The following NUDT3 variants were observed in gnomAD, a reference collection of about 807,000 sequenced individuals.
NUDT3 encodes the protein nudix hydrolase 3, also known as diphosphoinositol polyphosphate phosphohydrolase 1.
A neutral mutation model predicts 23.6 loss-of-function variants in NUDT3; 9 were observed. The observed-to-expected ratio is 0.38, with a 90% confidence interval of 0.23 to 0.66. The LOEUF is 0.66. NUDT3 is among the 30% of genes least tolerant of loss of function. The pLI is 0.52. For missense variants in NUDT3, 172 were observed against 218.5 expected (o/e 0.79, Z 1.34); for synonymous variants, 86 against 82.6 (o/e 1.04, Z -0.22).
intron 2 of NUDT3, among the ~76,000 whole-genome samples, chr6:34,314,558 C>CAAAAAAAA (rs397933941): frequency 9.8e-6 from 1 of 102,496 alleles, no homozygotes. Flanking sequence ...GACTCTGTCT[C>CAAAAAAAA]AAAAAAAAAA....
At chr6:34,320,908 G>GA (rs1326084253) in intron 2 of NUDT3, among the ~76,000 whole-genome samples, 1 of 151,890 alleles carries the variant, frequency 6.6e-6, no homozygotes, top group Non-Finnish European at 1.5e-5. Context: ...ATGAGATGGT[G>GA]AAAAAAGCAC....
chr6:34,363,245 C>T (rs2113753436), intron 1 of NUDT3, among the ~76,000 whole-genome samples: 1 of 152,250 alleles, frequency 6.6e-6, no homozygotes, highest in African/African-American at 2.4e-5. Context: ...TCTAGGGCAG[C>T]AGAGCTTGGG....
chr6:34,354,394 A>AAC (rs370168110), intron 1 of NUDT3, among the ~76,000 whole-genome samples: 17,171 of 137,538 alleles, frequency 0.12, 1,061 homozygotes, highest in East Asian at 0.17. Context: ...GATTTCATTA[A>AAC]ACACACACAC....
chr6:34,353,949 C>G (rs1331971744), intron 1 of NUDT3, among the ~76,000 whole-genome samples: 3 of 151,576 alleles, frequency 2.0e-5, no homozygotes, highest in Non-Finnish European at 2.9e-5. Context: ...GTTGCCCAAG[C>G]TGGAGTGCAA....
chr6:34,351,833 C>T (rs1764483851), intron 1 of NUDT3, among the ~76,000 whole-genome samples: 1 of 151,366 alleles, frequency 6.6e-6, no homozygotes, highest in South Asian at 2.1e-4. Flanking sequence ...ACAGAGATTG[C>T]CTCTGTACAG....
At chr6:34,331,665 C>T (rs141691109) in intron 2 of NUDT3, among the ~76,000 whole-genome samples, 1 of 152,200 alleles carries the variant, frequency 6.6e-6, no homozygotes, top group Non-Finnish European at 1.5e-5. Context: ...CAAATACAGT[C>T]GGCCCTCCGT....
At chr6:34,330,177 G>C (rs1024826958) in intron 2 of NUDT3, among the ~76,000 whole-genome samples, 2 of 152,198 alleles carry the variant, frequency 1.3e-5, no homozygotes, top group African/African-American at 4.8e-5. Context: ...TAATGGGATG[G>C]CTGGATCAAA....
chr6:34,310,742 A>G (rs1473198428), intron 2 of NUDT3, among the ~76,000 whole-genome samples: 1 of 152,220 alleles, frequency 6.6e-6, no homozygotes, highest in East Asian at 1.9e-4. Context: ...ACATCACAAG[A>G]AAACTACAGA....
intron 2 of NUDT3, among the ~76,000 whole-genome samples, chr6:34,324,857 GAA>G: frequency 6.6e-6 from 1 of 150,442 alleles, no homozygotes; most frequent in Admixed American, 6.6e-5. Context: ...ACGCTTCTCT[GAA>G]AAGAGAGAGA....
chr6:34,357,762 A>G (rs963590954), intron 1 of NUDT3, among the ~76,000 whole-genome samples: 2 of 152,210 alleles, frequency 1.3e-5, no homozygotes, highest in African/African-American at 4.8e-5. Context: ...TAGATTTCAG[A>G]AAAAACTGTA....
At chr6:34,336,705 TC>T (rs750201560) in intron 2 of NUDT3, among the ~76,000 whole-genome samples, 3 of 152,166 alleles carry the variant, frequency 2.0e-5, no homozygotes, top group Non-Finnish European at 4.4e-5. Flanking sequence ...AGACTTTTTT[TC>T]ATTGAAGAGC....
rs2113684677 is a variant in NUDT3 at position 34,281,118 on chromosome 6, T to A, written c.*7635A>T. ...TATAAGTAGAATGGTCCCAGGGATG[T>A]TAACCTTTCTGATGCTGATAGTAGA... is the stretch of plus-strand genomic sequence containing the variant. On this transcript the variant is annotated 3_prime_UTR_variant, in exon 5 of 5. Transcript: ENST00000607016. 1 of 152,328 alleles carries A rather than the reference T, an allele frequency of 6.6e-6. No homozygotes were observed. The highest frequency in any genetic ancestry group is 2.4e-5 in the African/African-American group (1 of 41,566). 9.4% of individuals were successfully genotyped at this position (152,328 alleles called of 1,614,324 possible). A position where few individuals can be genotyped will look rare whatever the true frequency, so the allele number is the denominator to read the frequency against.
At chr6:34,290,967 G>A (rs1030739668) in intron 4 of NUDT3, among the ~76,000 whole-genome samples, 1 of 151,262 alleles carries the variant, frequency 6.6e-6, no homozygotes, top group Non-Finnish European at 1.5e-5. Flanking sequence ...GCTAATTTTT[G>A]TTTATTTATT....
chr6:34,327,285 C>T (rs371667806), intron 2 of NUDT3, among the ~76,000 whole-genome samples: 4 of 152,108 alleles, frequency 2.6e-5, no homozygotes, highest in South Asian at 4.2e-4. Context: ...AATCCCAGCA[C>T]TTTGGGAGGC....
At chr6:34,301,388 T>C (rs1318199139) in intron 2 of NUDT3, among the ~76,000 whole-genome samples, 1 of 152,238 alleles carries the variant, frequency 6.6e-6, no homozygotes, top group East Asian at 1.9e-4. Context: ...TACTTACCCA[T>C]CCCTATATCT....
At chr6:34,301,796 T>C (rs916339826) in intron 2 of NUDT3, among the ~76,000 whole-genome samples, 1 of 152,242 alleles carries the variant, frequency 6.6e-6, no homozygotes, top group African/African-American at 2.4e-5. Flanking sequence ...ACACAGGCAG[T>C]GTATGAGTTG....
intron 2 of NUDT3, among the ~76,000 whole-genome samples, chr6:34,318,323 G>C (rs1763891559): frequency 6.6e-6 from 1 of 152,122 alleles, no homozygotes; most frequent in Non-Finnish European, 1.5e-5. Flanking sequence ...TTAAACTTTA[G>C]ATAAAGTAAA....
intron 2 of NUDT3, among the ~76,000 whole-genome samples, chr6:34,340,486 T>C (rs1213433623): frequency 6.6e-6 from 1 of 152,308 alleles, no homozygotes; most frequent in African/African-American, 2.4e-5. Context: ...TATTTTCTCA[T>C]AGGTCACGCA....
intron 1 of NUDT3, among the ~76,000 whole-genome samples, chr6:34,370,934 T>C (rs1440657401): frequency 6.6e-6 from 1 of 151,028 alleles, no homozygotes; most frequent in Non-Finnish European, 1.5e-5. Flanking sequence ...TGAAACTAAA[T>C]TTTTAGTCTC....
Sources: allele counts gnomAD v4.1 joint callset (sites outside exome capture counted in the v4.1 genomes callset), GRCh38; gene constraint gnomAD v4.1.1; transcripts MANE v1.5; gene names NCBI Gene and HGNC (gene_info 2026-07-23, HGNC 2026-07-21).